FYTTD1: variants seen among roughly 807,000 people sequenced by gnomAD.
FYTTD1 encodes the protein UAP56-interacting factor.
A neutral mutation model predicts 40.9 loss-of-function variants in FYTTD1; 22 were observed. The ratio of observed to expected loss-of-function variants is 0.54; its 90% confidence interval spans 0.38 to 0.77. FYTTD1 has a LOEUF of 0.77. Among genes scored for constraint, FYTTD1 ranks in the 30% least tolerant of loss-of-function variants. The pLI, the probability that FYTTD1 is intolerant of heterozygous loss-of-function variation, is 0.00. For missense variants in FYTTD1, 351 were observed against 392.2 expected (o/e 0.90, Z 0.89); for synonymous variants, 140 against 137.9 (o/e 1.01, Z -0.10).
At chr3:197,769,326 T>G (rs1729643156) in intron 3 of FYTTD1, among the ~76,000 whole-genome samples, 1 of 152,152 alleles carries the variant, frequency 6.6e-6, no homozygotes, top group South Asian at 2.1e-4. Flanking sequence ...GACCTCATGA[T>G]CCATCCGCCT....
At chr3:197,777,184 C>T (rs552062699) in intron 7 of FYTTD1, among the ~76,000 whole-genome samples, 183 bp downstream of exon 7, 101 of 152,282 alleles carry the variant, frequency 6.6e-4, no homozygotes, top group Admixed American at 1.4e-3. Flanking sequence ...TTCTTGATTC[C>T]TGATTCTGCA....
At chr3:197,764,849 CT>C (rs974106480) in intron 2 of FYTTD1, among the ~76,000 whole-genome samples, 65 of 144,044 alleles carry the variant, frequency 4.5e-4, no homozygotes, top group Admixed American at 7.6e-4. Flanking sequence ...CTATTCCATA[CT>C]TTTTTTTTTT....
At chr3:197,761,763 G>A (rs1373847496) in intron 2 of FYTTD1, among the ~76,000 whole-genome samples, 1 of 152,218 alleles carries the variant, frequency 6.6e-6, no homozygotes, top group Non-Finnish European at 1.5e-5. Flanking sequence ...TACTCTCTCA[G>A]GAATGTACAG....
intron 5 of FYTTD1, among the ~76,000 whole-genome samples, chr3:197,773,819 C>T (rs182331142): frequency 6.9e-6 from 1 of 144,938 alleles, no homozygotes; most frequent in East Asian, 1.9e-4. Flanking sequence ...GCACACACCC[C>T]ACTGGGTTAG....
chr3:197,786,334 C>T lies in FYTTD1; in HGVS notation c.*4425C>T, dbSNP rs565415897. The T allele has an allele frequency of 6.6e-6, 1 of 152,134 alleles. No individual in the cohort carries two copies. The highest frequency in any genetic ancestry group is 2.4e-5 in the African/African-American group (1 of 41,380). The allele number at this position is 152,134 out of a possible 1,614,324, so 9.4% of individuals were successfully genotyped here. A position where few individuals can be genotyped will look rare whatever the true frequency, so the allele number is the denominator to read the frequency against. On this transcript the variant is annotated 3_prime_UTR_variant, in exon 9 of 9. Coordinates refer to ENST00000241502, the MANE Select transcript of FYTTD1 (RefSeq NM_032288.7). Reference sequence around the variant, plus strand: ...TTCTCCATGTTGGTCAGGCTGGTCTCAAACTCCTGACTTCAGGTGATCTGC... The same window carrying T: ...TTCTCCATGTTGGTCAGGCTGGTCTTAAACTCCTGACTTCAGGTGATCTGC...
intron 2 of FYTTD1, 46 bp downstream of exon 2, chr3:197,756,603 T>A: frequency 6.5e-7 from 1 of 1,549,176 alleles, no homozygotes; most frequent in Non-Finnish European, 8.9e-7. Context: ...TATTTGTGTG[T>A]TCATAGTGTA....
intron 8 of FYTTD1, among the ~76,000 whole-genome samples, 178 bp downstream of exon 8, chr3:197,778,642 C>T (rs1264816158): frequency 1.3e-5 from 2 of 152,204 alleles, no homozygotes; most frequent in African/African-American, 4.8e-5. Context: ...TAAATCAGCT[C>T]ATACGGTATA....
chr3:197,753,885 G>A (rs760612304), intron 1 of FYTTD1, among the ~76,000 whole-genome samples: 9 of 151,630 alleles, frequency 5.9e-5, no homozygotes, highest in African/African-American at 7.3e-5. Flanking sequence ...GACTACAGGC[G>A]CCCACCGCCA....
At chr3:197,749,770 G>C, upstream of FYTTD1, 3 of 562,872 alleles carry the variant, frequency 5.3e-6, no homozygotes, top group Non-Finnish European at 3.2e-6. Flanking sequence ...AGGGCCGCTA[G>C]GAGCGAGTCA....
chr3:197,786,032 C>T lies in FYTTD1; in HGVS notation c.*4123C>T, dbSNP rs1474096164. 1 of 150,568 alleles carries T rather than the reference C, an allele frequency of 6.6e-6. No homozygotes were observed. The highest frequency in any genetic ancestry group is 6.6e-5 in the Admixed American group (1 of 15,092). 9.3% of individuals were successfully genotyped at this position (150,568 alleles called of 1,614,324 possible). A position where few individuals can be genotyped will look rare whatever the true frequency, so the allele number is the denominator to read the frequency against. On this transcript the variant is annotated 3_prime_UTR_variant, in exon 9 of 9. Transcript: ENST00000241502. ...CCATTAATAGGGATTTAAAGATTTACTTAGAAATTGTAGACTTCTAATATC... is the reference window on the plus strand; with the variant it reads ...CCATTAATAGGGATTTAAAGATTTATTTAGAAATTGTAGACTTCTAATATC...
chr3:197,775,685 T>C (rs962585825), intron 6 of FYTTD1, among the ~76,000 whole-genome samples: 5 of 152,194 alleles, frequency 3.3e-5, no homozygotes, highest in African/African-American at 1.2e-4. Flanking sequence ...GTGCCAACTG[T>C]GGTGCATGAT....
chr3:197,762,165 G>A (rs1300402590), intron 2 of FYTTD1, among the ~76,000 whole-genome samples: 1 of 152,066 alleles, frequency 6.6e-6, no homozygotes, highest in Non-Finnish European at 1.5e-5. Flanking sequence ...TGTGAATTTT[G>A]GAGAGTTACA....
At chr3:197,754,242 A>C (rs6583254) in intron 1 of FYTTD1, among the ~76,000 whole-genome samples, 1 of 152,096 alleles carries the variant, frequency 6.6e-6, no homozygotes, top group Non-Finnish European at 1.5e-5. Context: ...CTTTATGCTT[A>C]TTGAGATACA....
In FYTTD1 at chr3:197,781,807, C is replaced by A; in HGVS notation, c.859-4C>A. 1 of 1,588,672 alleles carries A rather than the reference C, an allele frequency of 6.3e-7. No homozygotes were observed. Among genetic ancestry groups the A allele is most frequent in the Non-Finnish European group, 8.6e-7 (1 of 1,164,864 alleles). On this transcript the variant is annotated splice_polypyrimidine_tract_variant and splice_region_variant and intron_variant, in intron 8 of 8. Coordinates refer to ENST00000241502, the MANE Select transcript of FYTTD1 (RefSeq NM_032288.7). ...TGTTGTTTTTGTTTTTTTCTTTTCT[C>A]TAGACAGGGATGACGTTGAATGAGC...
intron 8 of FYTTD1, among the ~76,000 whole-genome samples, chr3:197,779,646 C>T (rs917676702): frequency 4.0e-5 from 6 of 151,370 alleles, no homozygotes; most frequent in Non-Finnish European, 8.8e-5. Context: ...TCCTTCCTCC[C>T]ACCTCAGCCT....
chr3:197,758,610 A>C (rs1273693666), intron 2 of FYTTD1, among the ~76,000 whole-genome samples: 1 of 152,230 alleles, frequency 6.6e-6, no homozygotes, highest in Non-Finnish European at 1.5e-5. Flanking sequence ...CTTTCCTTTT[A>C]TGGATGTTAT....
intron 1 of FYTTD1, among the ~76,000 whole-genome samples, chr3:197,753,266 T>C (rs1729116871): frequency 6.6e-6 from 1 of 152,250 alleles, no homozygotes; most frequent in Admixed American, 6.5e-5. Flanking sequence ...CAGGTGTATA[T>C]GAATTTCACA....
chr3:197,772,231 C>G (rs1347737326), intron 4 of FYTTD1, among the ~76,000 whole-genome samples: 1 of 152,208 alleles, frequency 6.6e-6, no homozygotes, highest in Non-Finnish European at 1.5e-5. Flanking sequence ...GTGAGACTTA[C>G]ATGTTAATTG....
Position 197,749,990 on chromosome 3 carries a change from C to G in FYTTD1, c.19C>G (p.Arg7Gly), listed in dbSNP as rs576134538. The part of the protein sequence containing the change: MNRFGT[R>G]LVGATATSSP... Reference sequence around the variant, plus strand: ...TCCAGCCATGAACCGGTTTGGTACCCGGTTGGTGGGAGCCACGGCGACTTC... The same window carrying G: ...TCCAGCCATGAACCGGTTTGGTACCGGGTTGGTGGGAGCCACGGCGACTTC... Residue 7 changes from arginine (R) to glycine (G), a missense_variant, in exon 1 of 9, where the codon CGG becomes GGG. Arg to Gly is a moderately radical substitution (Grantham distance 125). Transcript: ENST00000241502. The G allele has an allele frequency of 9.5e-6, 15 of 1,582,980 alleles. No individual in the cohort carries two copies. The highest frequency in any genetic ancestry group is 1.2e-5 in the Non-Finnish European group (14 of 1,166,564).
Sources: gnomAD v4.1 joint callset for allele counts (sites outside exome capture counted in the v4.1 genomes callset) on GRCh38, gnomAD v4.1.1 for gene constraint, MANE v1.5 for transcripts, NCBI Gene and HGNC (gene_info 2026-07-23, HGNC 2026-07-21) for gene names.